Variants in KLHL6 observed in about 807,000 individuals in gnomAD.
KLHL6 encodes the protein kelch like family member 6, also known as kelch-like protein 6.
In KLHL6, 41 loss-of-function variants were observed where a neutral mutation model predicts 58.6. The ratio of observed to expected loss-of-function variants is 0.70; its 90% CI spans 0.55 to 0.91. The LOEUF (loss-of-function observed/expected upper bound fraction) is 0.91. Among genes scored for constraint, KLHL6 ranks in the 40% least tolerant of loss-of-function variants. KLHL6 has a pLI of 0.00. For synonymous variants in KLHL6, 338 were observed against 322.7 expected (o/e 1.05, Z -0.51); for missense variants, 714 against 805.6 (o/e 0.89, Z 1.38).
At chr3:183,502,565 T>C (rs1209555251) in intron 3 of KLHL6, among the ~76,000 whole-genome samples, 1 of 152,168 alleles carries the variant, frequency 6.6e-6, no homozygotes, top group African/African-American at 2.4e-5. Context: ...TCTCAGTCTT[T>C]CTTAGGTCAT....
chr3:183,503,166 A>G (rs1041541015), intron 3 of KLHL6, among the ~76,000 whole-genome samples: 4 of 152,368 alleles, frequency 2.6e-5, no homozygotes, highest in Non-Finnish European at 4.4e-5. Context: ...ATTGCACCTT[A>G]ATGACTGCTC....
chr3:183,522,365 T>G (rs2108682230), intron 2 of KLHL6: 1 of 152,310 alleles, frequency 6.6e-6, no homozygotes, highest in South Asian at 2.1e-4. Flanking sequence ...AAAGGGCCAC[T>G]GTGGCTGTCA....
chr3:183,523,924 T>C (rs1040166684), intron 2 of KLHL6, among the ~76,000 whole-genome samples: 4 of 152,086 alleles, frequency 2.6e-5, no homozygotes, highest in Non-Finnish European at 5.9e-5. Flanking sequence ...CACACCTGGC[T>C]AATTTTTTGT....
chr3:183,553,728 C>G (rs1218445076), intron 1 of KLHL6, among the ~76,000 whole-genome samples: 2 of 152,218 alleles, frequency 1.3e-5, no homozygotes, highest in Non-Finnish European at 2.9e-5. Context: ...TACCCAGTCC[C>G]TGCTCCAGCA....
At chr3:183,546,252 C>T (rs75489423) in intron 1 of KLHL6, among the ~76,000 whole-genome samples, 12,563 of 152,230 alleles carry the variant, frequency 0.083, 694 homozygotes, top group African/African-American at 0.16. Context: ...ACAAGGGTCA[C>T]GGAATCCCCT....
At chr3:183,528,179 A>G (rs1455046188) in intron 1 of KLHL6, among the ~76,000 whole-genome samples, 169 bp from the exon 2 acceptor site, 1 of 152,070 alleles carries the variant, frequency 6.6e-6, no homozygotes, top group African/African-American at 2.4e-5. Context: ...TAGACATTTC[A>G]TCAGTACTTA....
Position 183,508,253 on chromosome 3 carries a change from C to T in KLHL6, c.715G>A (p.Val239Met), listed in dbSNP as rs761239853. 9.9e-6 allele frequency: 16 copies of T among 1,614,192 alleles called. No homozygotes were observed. The highest frequency in any genetic ancestry group is 1.7e-5 in the Admixed American group (1 of 60,028). Residue 239 changes from valine (V) to methionine (M), a missense_variant, in exon 3 of 7, where the codon GTG becomes ATG. Transcript: ENST00000341319. ...GGCTTGTGCCGGACCCAGCTCATCA[C>T]GGTCTCAAACACCTGAGCCTCCTCG... Reference protein sequence around the residue: ...VTEEAQVFETVMSWVRHKPSE... With the variant: ...VTEEAQVFETMMSWVRHKPSE...
At chr3:183,548,088 G>A (rs1036572082) in intron 1 of KLHL6, among the ~76,000 whole-genome samples, 1 of 152,200 alleles carries the variant, frequency 6.6e-6, no homozygotes, top group Non-Finnish European at 1.5e-5. Flanking sequence ...GACCCAGCAT[G>A]CCTTAGGACA....
intron 2 of KLHL6, among the ~76,000 whole-genome samples, chr3:183,519,225 T>C (rs747059110): frequency 1.3e-5 from 2 of 152,036 alleles, no homozygotes; most frequent in Non-Finnish European, 2.9e-5. Flanking sequence ...GCTGAGAGGA[T>C]TGCCAGACCT....
intron 1 of KLHL6, among the ~76,000 whole-genome samples, chr3:183,535,133 C>T (rs1018809059): frequency 4.6e-5 from 7 of 151,698 alleles, no homozygotes; most frequent in African/African-American, 7.3e-5. Flanking sequence ...TTAGTAGAGA[C>T]GGGGTTTTAC....
Position 183,527,000 on chromosome 3 carries a change from A to G in KLHL6, c.459+845T>C, listed in dbSNP as rs777107323. ...TGTAGTCCCAGCTACTTGGGAGGCT[A>G]GGGCAGGAGAATCGCTTAAACCCGG... On this transcript the variant is annotated intron_variant, in intron 2 of 6. Coordinates refer to ENST00000341319, the MANE Select transcript of KLHL6 (RefSeq NM_130446.4). 4.1e-4 allele frequency among the ~76,000 whole-genome samples: 62 copies of G among 151,870 alleles called. No individual in the cohort carries two copies. The Middle Eastern group carries it at 0.01, about 25-fold the overall frequency.
chr3:183,540,509 G>A (rs758950630), intron 1 of KLHL6, among the ~76,000 whole-genome samples: 5 of 152,084 alleles, frequency 3.3e-5, no homozygotes, highest in Non-Finnish European at 7.4e-5. Flanking sequence ...TGATACAATT[G>A]GACAAAAGAA....
In KLHL6 at chr3:183,534,948, A is replaced by ATTT. The variant is rs199669663; in HGVS notation, c.294-6939_294-6938insAAA. The stretch of plus-strand genomic sequence containing the variant: ...CATATATATACATATATATATATAT[A>ATTT]TATTTTTTTTTTTTGAGACAGAGTC... On this transcript the variant is annotated intron_variant, in intron 1 of 6. Transcript: ENST00000341319. Among the ~76,000 whole-genome samples, 301 of 31,050 alleles carry ATTT rather than the reference A, an allele frequency of 9.7e-3. 5 individuals carry two copies. The highest frequency in any genetic ancestry group is 0.014 in the African/African-American group (263 of 18,318). The allele number at this position is 31,050 out of a possible 152,430, so 20.4% of individuals were successfully genotyped here.
In KLHL6 at chr3:183,499,742, C is replaced by T. The variant is rs777303694; in HGVS notation, c.995G>A (p.Arg332Gln). 9 of 1,610,592 alleles carry T rather than the reference C, an allele frequency of 5.6e-6. No homozygotes were observed. Among genetic ancestry groups the T allele is most frequent in the South Asian group, 4.5e-5 (4 of 89,838 alleles). ...MIIGGCTKDERFVAEVTCLDP... is the reference protein window; with the variant it reads ...MIIGGCTKDEQFVAEVTCLDP... The stretch of plus-strand genomic sequence containing the variant: ...CAGGCAGGTCACCTCTGCCACAAAC[C>T]GTTCATCCTTCGTGCAGCCGCCAAT... The change falls in exon 4 of 7, where the codon CGG becomes CAG. Residue 332 changes from arginine (R) to glutamine (Q), a missense_variant. Physicochemically the swap from Arg to Gln is conservative, Grantham distance 43 (BLOSUM62 1). This residue lies in a region of KLHL6 where 510 missense variants were observed against 629.7 expected (regional missense o/e 0.81). Transcript: ENST00000341319. The surrounding 1 kb of genome is among the most constrained non-coding windows in gnomAD (Gnocchi z 4.6).
At chr3:183,534,655 G>A (rs984189135) in intron 1 of KLHL6, among the ~76,000 whole-genome samples, 4 of 151,756 alleles carry the variant, frequency 2.6e-5, no homozygotes, top group African/African-American at 7.3e-5. Context: ...CACCCACCTC[G>A]GTCTCCCAAA....
chr3:183,542,959 C>T (rs1712603032), intron 1 of KLHL6, among the ~76,000 whole-genome samples: 1 of 152,120 alleles, frequency 6.6e-6, no homozygotes, highest in Non-Finnish European at 1.5e-5. Flanking sequence ...GAAAGTTTAA[C>T]ATTTTGCATT....
chr3:183,542,892 A>ATGGG (rs1553813942), intron 1 of KLHL6, among the ~76,000 whole-genome samples: 12 of 149,400 alleles, frequency 8.0e-5, no homozygotes, highest in Non-Finnish European at 1.2e-4. Flanking sequence ...GGATGGATGG[A>ATGGG]TGGATGGATG....
At position 183,491,896 on chromosome 3, in the gene KLHL6, C is replaced by T. The variant is rs772539684; in HGVS notation, c.*31G>A. ...GAGGTGAGGCGGGTACGCTGAGGGT[C>T]GGGGGGGCTCTCCAGCTCCCCATCC... On this transcript the variant is annotated 3_prime_UTR_variant, in exon 7 of 7. Transcript: ENST00000341319. The T allele has an allele frequency of 8.9e-6, 13 of 1,453,874 alleles. No homozygotes were observed. The highest frequency in any genetic ancestry group is 4.3e-5 in the African/African-American group (3 of 69,890). The allele number at this position is 1,453,874 out of a possible 1,614,324, so 90.1% of individuals were successfully genotyped here.
At position 183,538,198 on chromosome 3, in the gene KLHL6, C is replaced by T. The variant is rs116519739; in HGVS notation, c.294-10188G>A. On this transcript the variant is annotated intron_variant, in intron 1 of 6. Transcript: ENST00000341319. Reference sequence around the variant, plus strand: ...AACGTACCTGCACTACTTCAATGAGCTCTACAAGCTCCTGTAGTTCCTAAA... The same window carrying T: ...AACGTACCTGCACTACTTCAATGAGTTCTACAAGCTCCTGTAGTTCCTAAA... Among the ~76,000 whole-genome samples, 1,475 of 152,292 alleles carry T rather than the reference C, an allele frequency of 9.7e-3. 28 individuals carry two copies. Among genetic ancestry groups the T allele is most frequent in the African/African-American group, 0.034 (1,396 of 41,558 alleles).
Sources: allele counts gnomAD v4.1 joint callset (sites outside exome capture counted in the v4.1 genomes callset), GRCh38; gene constraint gnomAD v4.1.1; regional missense constraint gnomAD v4.1.1; non-coding constraint Gnocchi (gnomAD v3.1); transcripts MANE v1.5; gene names NCBI Gene and HGNC (gene_info 2026-07-23, HGNC 2026-07-21).